KDM2A: variants seen among roughly 807,000 people sequenced by gnomAD.
The protein encoded by KDM2A is lysine-specific demethylase 2A.
A neutral mutation model predicts 137.3 loss-of-function variants in KDM2A; 3 were observed. The ratio of observed to expected loss-of-function variants is 0.02; its 90% confidence interval spans 0.01 to 0.06. The LOEUF (loss-of-function observed/expected upper bound fraction) is 0.06. KDM2A is among the 10% of genes least tolerant of loss of function. The probability of loss-of-function intolerance (pLI) is 1.00; values close to 1 mark genes in which losing one functional copy is unlikely to be tolerated. For synonymous variants in KDM2A, 512 were observed against 541.5 expected (o/e 0.95, Z 0.76); for missense variants, 738 against 1,510.6 (o/e 0.49, Z 8.48).
intron 2 of KDM2A, among the ~76,000 whole-genome samples, chr11:67,123,144 A>AC (rs1855637328): frequency 6.8e-6 from 1 of 147,460 alleles, no homozygotes; most frequent in African/African-American, 2.5e-5. Flanking sequence ...TAATTTTCAG[A>AC]CTTTTTTTTT....
chr11:67,195,369 CA>C (rs34494813), intron 5 of KDM2A, among the ~76,000 whole-genome samples: 9 of 65,228 alleles, frequency 1.4e-4, no homozygotes, highest in South Asian at 2.0e-3. Context: ...ACTCCGTCTC[CA>C]AAAAAAAAAA....
At chr11:67,220,410 CT>C (rs1442161524) in intron 10 of KDM2A, among the ~76,000 whole-genome samples, 24 of 152,184 alleles carry the variant, frequency 1.6e-4, no homozygotes, top group African/African-American at 5.5e-4. Flanking sequence ...TGTAATGGGG[CT>C]TATCAACCCA....
intron 12 of KDM2A, among the ~76,000 whole-genome samples, chr11:67,242,001 G>A (rs967883334): frequency 5.3e-5 from 8 of 152,164 alleles, no homozygotes; most frequent in Non-Finnish European, 8.8e-5. Flanking sequence ...CACGGGAGGC[G>A]AGGCGGAGGT....
chr11:67,202,084 C>G (rs549286740), intron 5 of KDM2A, among the ~76,000 whole-genome samples: 1 of 152,086 alleles, frequency 6.6e-6, no homozygotes, highest in Non-Finnish European at 1.5e-5. Context: ...TTCAAGACTT[C>G]AGTGGAGGAA....
At chr11:67,174,276 G>A (rs1233650327) in intron 2 of KDM2A, among the ~76,000 whole-genome samples, 1 of 151,928 alleles carries the variant, frequency 6.6e-6, no homozygotes, top group Non-Finnish European at 1.5e-5. Context: ...GAAAGAAACC[G>A]TTTCCTAAAA....
chr11:67,256,351 TAAAA>T lies in KDM2A; in HGVS notation c.*1304_*1307del, dbSNP rs112132478. ...GGGCAGCAGAGAGCTTTTTGCACTT[TAAAA>T]AAAAAAAGAAAGAAAGAAAGGTCGG... On this transcript the variant is annotated 3_prime_UTR_variant, in exon 21 of 21. Coordinates refer to ENST00000529006, the MANE Select transcript of KDM2A (RefSeq NM_012308.3). The T allele has an allele frequency of 6.8e-6, 1 of 146,702 alleles. No individual in the cohort carries two copies. Among genetic ancestry groups the T allele is most frequent in the Non-Finnish European group, 1.5e-5 (1 of 66,160 alleles). The allele number at this position is 146,702 out of a possible 1,614,324, so 9.1% of individuals were successfully genotyped here.
Position 67,254,354 on chromosome 11 carries a change from C to G in KDM2A, c.3243C>G (p.Ser1081=). The change falls in exon 20 of 21, where the codon TCC becomes TCG. Residue 1081 remains serine, a synonymous_variant. Transcript: ENST00000529006. This position sits in a 1 kb window ranked among gnomAD's most constrained non-coding sequence, Gnocchi z 4.7. ...ACTGCAGCCACCTTACAGATCAGTCCTCCAATCTACTCACTGCTGTCGGGT... is the reference window on the plus strand; with the variant it reads ...ACTGCAGCCACCTTACAGATCAGTCGTCCAATCTACTCACTGCTGTCGGGT... The part of the protein sequence containing the change: ...LSHCSHLTDQ[S]SNLLTAVGSS... 2 of 1,614,066 alleles carry G rather than the reference C, an allele frequency of 1.2e-6. No individual in the cohort carries two copies. The highest frequency in any genetic ancestry group is 1.7e-6 in the Non-Finnish European group (2 of 1,179,892).
At chr11:67,140,407 G>A (rs968988662) in intron 2 of KDM2A, among the ~76,000 whole-genome samples, 2 of 151,716 alleles carry the variant, frequency 1.3e-5, no homozygotes, top group Admixed American at 6.6e-5. Flanking sequence ...ATATAGGTCG[G>A]AAGACCACCC....
intron 2 of KDM2A, among the ~76,000 whole-genome samples, chr11:67,170,073 A>G (rs1856845857): frequency 1.3e-5 from 2 of 152,070 alleles, no homozygotes; most frequent in South Asian, 2.1e-4. Flanking sequence ...TCATCTTTTT[A>G]GAGGTCTATA....
intron 12 of KDM2A, among the ~76,000 whole-genome samples, chr11:67,235,875 C>T (rs1158017827): frequency 2.0e-5 from 3 of 152,120 alleles, no homozygotes. Context: ...GCCTTGGCCT[C>T]CCAAAGTGCT....
At chr11:67,169,752 T>TCC in intron 2 of KDM2A, among the ~76,000 whole-genome samples, 1 of 52,158 alleles carries the variant, frequency 1.9e-5, no homozygotes, top group Non-Finnish European at 1.2e-4. Flanking sequence ...TCTCTCTCTC[T>TCC]CTCTCTCTTT....
Position 67,228,700 on chromosome 11 carries a change from A to G in KDM2A, c.1084+537A>G, listed in dbSNP as rs542433222. Among the ~76,000 whole-genome samples, 138 of 145,094 alleles carry G rather than the reference A, an allele frequency of 9.5e-4. 2 individuals are homozygous for G. Among genetic ancestry groups the G allele is most frequent in the South Asian group, 6.6e-3 (32 of 4,814 alleles). On this transcript the variant is annotated intron_variant, in intron 11 of 20. Coordinates refer to ENST00000529006, the MANE Select transcript of KDM2A (RefSeq NM_012308.3). ...AACCCTGTTGCGAAAAAAAAAAAAA[A>G]AAAGAAAGAAAGAACGATGATCAGT...
At chr11:67,138,592 CCA>C (rs1237192882) in intron 2 of KDM2A, among the ~76,000 whole-genome samples, 2 of 152,126 alleles carry the variant, frequency 1.3e-5, no homozygotes, top group Admixed American at 6.5e-5. Context: ...ACCAGCCTGA[CCA>C]ACATGGCAAA....
intron 13 of KDM2A, among the ~76,000 whole-genome samples, chr11:67,244,459 A>G (rs919335894): frequency 6.6e-6 from 1 of 152,114 alleles, no homozygotes; most frequent in Admixed American, 6.5e-5. Flanking sequence ...AGGATGAGGA[A>G]ATATTGGAGG....
chr11:67,156,339 CTT>C (rs1214587432), intron 2 of KDM2A, among the ~76,000 whole-genome samples: 1 of 151,882 alleles, frequency 6.6e-6, no homozygotes. Context: ...AATCCCAACA[CTT>C]TGGGAGGCTG....
At chr11:67,241,064 C>T (rs1455865439) in intron 12 of KDM2A, among the ~76,000 whole-genome samples, 1 of 152,150 alleles carries the variant, frequency 6.6e-6, no homozygotes, top group African/African-American at 2.4e-5. Flanking sequence ...ACTGTGCAGT[C>T]TGTTTTGCTG....
intron 2 of KDM2A, among the ~76,000 whole-genome samples, chr11:67,136,909 G>A (rs1855980744): frequency 6.6e-6 from 1 of 152,208 alleles, no homozygotes; most frequent in Non-Finnish European, 1.5e-5. Context: ...GTTAATTACA[G>A]TTACACAAAG....
At chr11:67,240,178 T>C (rs747858772) in intron 12 of KDM2A, 1 of 1,511,846 alleles carries the variant, frequency 6.6e-7, no homozygotes, top group Non-Finnish European at 8.8e-7. Flanking sequence ...CTGGGTAGTC[T>C]GAAGGGTCAG....
At chr11:67,238,161 T>C (rs1014792558) in intron 12 of KDM2A, among the ~76,000 whole-genome samples, 3 of 152,198 alleles carry the variant, frequency 2.0e-5, no homozygotes, top group African/African-American at 4.8e-5. Flanking sequence ...CTTATCTTTT[T>C]TGCCTATCTT....
Sources: gnomAD v4.1 joint callset for allele counts (sites outside exome capture counted in the v4.1 genomes callset) on GRCh38, gnomAD v4.1.1 for gene constraint, Gnocchi (gnomAD v3.1) non-coding constraint, MANE v1.5 for transcripts, NCBI Gene and HGNC (gene_info 2026-07-23, HGNC 2026-07-21) for gene names.